PRKN: variants seen among roughly 807,000 people sequenced by gnomAD.
PRKN encodes the protein E3 ubiquitin-protein ligase parkin.
Under a neutral mutation model 59.5 loss-of-function variants are expected in PRKN, and 56 were observed. The ratio of observed to expected loss-of-function variants is 0.94; its 90% CI spans 0.76 to 1.18. The LOEUF is 1.18. PRKN is among the 50% of genes most tolerant of loss of function. The pLI, the probability that PRKN is intolerant of heterozygous loss-of-function variation, is 0.00. For synonymous variants in PRKN, 250 were observed against 222.1 expected (o/e 1.13, Z -1.12); for missense variants, 657 against 596.4 (o/e 1.10, Z -1.06).
chr6:162,059,019 T>C (rs764800721), intron 4 of PRKN, among the ~76,000 whole-genome samples: 2 of 151,800 alleles, frequency 1.3e-5, no homozygotes, highest in African/African-American at 2.4e-5. Context: ...AGGGCCCAGT[T>C]ATATTTTGCT....
Position 161,584,212 on chromosome 6 carries a change from G to A in PRKN, c.872-14796C>T, listed in dbSNP as rs1781444370. Among the ~76,000 whole-genome samples, 1 of 152,146 alleles carries A rather than the reference G, an allele frequency of 6.6e-6. No individual in the cohort carries two copies. The highest frequency in any genetic ancestry group is 2.1e-4 in the South Asian group (1 of 4,824). ...TTAATCAGATCAAATTAGGACAGGT[G>A]GCAACCCTGCAGGCAACATAATTAT... On this transcript the variant is annotated intron_variant, in intron 7 of 11. Coordinates refer to ENST00000366898, the MANE Select transcript of PRKN (RefSeq NM_004562.3). The surrounding 1 kb of genome is among the most constrained non-coding windows in gnomAD (Gnocchi z 4.8).
At chr6:161,455,050 T>TC (rs1789904434) in intron 9 of PRKN, among the ~76,000 whole-genome samples, 1 of 151,928 alleles carries the variant, frequency 6.6e-6, no homozygotes. Flanking sequence ...GTGTTTTTTT[T>TC]TTTTTTGAGA....
chr6:162,608,695 T>A (rs1057082564), intron 1 of PRKN, among the ~76,000 whole-genome samples: 1 of 152,142 alleles, frequency 6.6e-6, no homozygotes, highest in Non-Finnish European at 1.5e-5. Context: ...AAGGGACACT[T>A]CCAGGAAATG....
At chr6:162,055,079 T>C (rs1253754339) in intron 4 of PRKN, among the ~76,000 whole-genome samples, 1 of 152,140 alleles carries the variant, frequency 6.6e-6, no homozygotes, top group Non-Finnish European at 1.5e-5. Context: ...GGAGAATCGC[T>C]TGAATGCAGG....
chr6:161,501,781 G>C (rs1267318436), intron 9 of PRKN, among the ~76,000 whole-genome samples: 1 of 152,102 alleles, frequency 6.6e-6, no homozygotes, highest in Non-Finnish European at 1.5e-5. Flanking sequence ...GTGGCTTCTT[G>C]AGCCATGGGT....
chr6:162,007,624 A>G (rs1014876825), intron 5 of PRKN, among the ~76,000 whole-genome samples: 2 of 152,294 alleles, frequency 1.3e-5, no homozygotes, highest in South Asian at 2.1e-4. Context: ...TAAGAAATCA[A>G]TCAACAAAAT....
At chr6:162,716,271 T>C (rs1439570094) in intron 1 of PRKN, among the ~76,000 whole-genome samples, 3 of 152,262 alleles carry the variant, frequency 2.0e-5, no homozygotes, top group African/African-American at 7.2e-5. Context: ...CAAATGTTTC[T>C]GTTAAAACTG....
chr6:162,207,805 T>C (rs552047788), intron 3 of PRKN, among the ~76,000 whole-genome samples: 1 of 152,318 alleles, frequency 6.6e-6, no homozygotes, highest in South Asian at 2.1e-4. Context: ...AAATGGCTAG[T>C]GAAGTTCCCT....
At chr6:161,785,623 G>A (rs527678469) in intron 7 of PRKN, 149 bp downstream of exon 7, 56 of 805,046 alleles carry the variant, frequency 7.0e-5, no homozygotes, top group African/African-American at 6.8e-4. Flanking sequence ...TATCTTTTGC[G>A]ATCCAAACAT....
intron 2 of PRKN, among the ~76,000 whole-genome samples, chr6:162,372,795 C>T (rs1042535948): frequency 6.6e-6 from 1 of 152,146 alleles, no homozygotes; most frequent in African/African-American, 2.4e-5. Context: ...GGGGACTTTG[C>T]AGTCTGGTGT....
intron 7 of PRKN, among the ~76,000 whole-genome samples, chr6:161,614,492 G>A (rs1782615934): frequency 6.6e-6 from 1 of 152,206 alleles, no homozygotes; most frequent in Non-Finnish European, 1.5e-5. Context: ...ATGTGCAAAT[G>A]TATGCCATCA....
chr6:161,667,495 A>G (rs556194664), intron 7 of PRKN, among the ~76,000 whole-genome samples: 44 of 152,196 alleles, frequency 2.9e-4, no homozygotes, highest in African/African-American at 1.0e-3. Flanking sequence ...CGCAGAGTTT[A>G]TTTTCTTCTC....
chr6:162,574,731 C>T (rs1386508427), intron 1 of PRKN, among the ~76,000 whole-genome samples: 1 of 149,610 alleles, frequency 6.7e-6, no homozygotes, highest in East Asian at 2.0e-4. Flanking sequence ...GACATATAGC[C>T]CCTATTTCTT....
chr6:162,656,478 G>C (rs1778643268), intron 1 of PRKN, among the ~76,000 whole-genome samples: 1 of 152,112 alleles, frequency 6.6e-6, no homozygotes, highest in Admixed American at 6.5e-5. Context: ...AAGCTAAAAG[G>C]TGTATGTCAT....
At chr6:162,327,695 C>T (rs909421643) in intron 2 of PRKN, among the ~76,000 whole-genome samples, 11 of 151,720 alleles carry the variant, frequency 7.3e-5, no homozygotes, top group African/African-American at 2.7e-4. Context: ...ATGGTTTTCT[C>T]TACAGTTTCA....
Position 162,180,411 on chromosome 6 carries a change from T to C in PRKN, c.534+20720A>G, listed in dbSNP as rs531378265. Among the ~76,000 whole-genome samples the C allele has an allele frequency of 2.0e-5, 3 of 152,260 alleles. No homozygotes were observed. In the South Asian group the frequency reaches 6.2e-4, roughly 32 times the overall value. On this transcript the variant is annotated intron_variant, in intron 4 of 11. Transcript: ENST00000366898. Reference sequence around the variant, plus strand: ...CAAAACACATCATGTACCACAGAAATATGAACACCTCCTATGTACCCACAA... The same window carrying C: ...CAAAACACATCATGTACCACAGAAACATGAACACCTCCTATGTACCCACAA...
At chr6:162,054,361 T>C (rs1777772838) in intron 4 of PRKN, among the ~76,000 whole-genome samples, 187 bp from the exon 5 acceptor site, 1 of 152,220 alleles carries the variant, frequency 6.6e-6, no homozygotes, top group Non-Finnish European at 1.5e-5. Flanking sequence ...GTCAAAACTA[T>C]GTTCATCAAC....
At chr6:162,499,094 C>T (rs1793238951) in intron 1 of PRKN, among the ~76,000 whole-genome samples, 1 of 152,124 alleles carries the variant, frequency 6.6e-6, no homozygotes, top group Non-Finnish European at 1.5e-5. Flanking sequence ...AGGTCTTCTG[C>T]GGGATACGTA....
intron 7 of PRKN, among the ~76,000 whole-genome samples, chr6:161,728,709 G>A (rs1787552177): frequency 6.6e-6 from 1 of 152,162 alleles, no homozygotes; most frequent in African/African-American, 2.4e-5. Context: ...TCAGGAGCGA[G>A]GGGTGAGGGG....
Sources: gnomAD v4.1 joint callset for allele counts (sites outside exome capture counted in the v4.1 genomes callset) on GRCh38, gnomAD v4.1.1 for gene constraint, Gnocchi (gnomAD v3.1) non-coding constraint, MANE v1.5 for transcripts, NCBI Gene and HGNC (gene_info 2026-07-23, HGNC 2026-07-21) for gene names.